UTRN: variants seen among roughly 807,000 people sequenced by gnomAD.
UTRN encodes utrophin, also known as dystrophin-related protein 1.
Under a neutral mutation model 463.9 loss-of-function variants are expected in UTRN, and 283 were observed. The ratio of observed to expected loss-of-function variants is 0.61; its 90% CI spans 0.55 to 0.67. UTRN has a LOEUF of 0.67. Among genes scored for constraint, UTRN ranks in the 30% least tolerant of loss-of-function variants. The pLI is 0.00. For missense variants in UTRN, 3,922 were observed against 4,084.3 expected, an observed-to-expected ratio of 0.96 and a Z score of 1.08; for synonymous variants, 1,442 against 1,431.5, an observed-to-expected ratio of 1.01 and a Z score of -0.17.
intron 65 of UTRN, among the ~76,000 whole-genome samples, chr6:144,808,455 T>C (rs962635025): frequency 3.3e-5 from 5 of 152,160 alleles, no homozygotes; most frequent in Admixed American, 3.3e-4. Context: ...ATCATCTTTG[T>C]TGTAAGTAAC....
chr6:144,489,981 T>G, intron 30 of UTRN, 90 bp from the exon 31 acceptor site: 1 of 1,520,230 alleles, frequency 6.6e-7, no homozygotes, highest in East Asian at 2.3e-5. Flanking sequence ...TATCATGTAT[T>G]ACACAACGAT....
At chr6:144,603,481 G>A (rs1053363329) in intron 51 of UTRN, among the ~76,000 whole-genome samples, 1 of 152,102 alleles carries the variant, frequency 6.6e-6, no homozygotes, top group South Asian at 2.1e-4. Context: ...GTGATTACTT[G>A]TAAGAATTTT....
intron 41 of UTRN, among the ~76,000 whole-genome samples, chr6:144,526,532 CTG>C (rs914395009): frequency 1.3e-5 from 2 of 151,954 alleles, no homozygotes; most frequent in African/African-American, 2.4e-5. Context: ...TTTGGATGGA[CTG>C]TTATTTTGCA....
chr6:144,457,082 A>G (rs1435239569), intron 19 of UTRN, among the ~76,000 whole-genome samples: 1 of 152,240 alleles, frequency 6.6e-6, no homozygotes, highest in East Asian at 1.9e-4. Flanking sequence ...AGAAAATTTT[A>G]AACTCTGGAT....
chr6:144,361,037 C>T (rs1320317738), intron 2 of UTRN, among the ~76,000 whole-genome samples: 1 of 152,162 alleles, frequency 6.6e-6, no homozygotes, highest in South Asian at 2.1e-4. Context: ...ATTTTGAAGA[C>T]CTTTCTGTAT....
At chr6:144,577,603 G>A (rs17073872) in intron 51 of UTRN, among the ~76,000 whole-genome samples, 11,548 of 152,058 alleles carry the variant, frequency 0.076, 1,334 homozygotes, top group African/African-American at 0.25. Flanking sequence ...AATTATAAGG[G>A]CATTTTCCCT....
intron 51 of UTRN, among the ~76,000 whole-genome samples, chr6:144,635,514 C>CTTTTTTTT (rs1402815648): frequency 5.5e-4 from 44 of 79,998 alleles, no homozygotes; most frequent in Admixed American, 5.8e-4. Flanking sequence ...CTTTTTTTTT[C>CTTTTTTTT]TTTTTTTTTT....
intron 2 of UTRN, among the ~76,000 whole-genome samples, chr6:144,394,337 AAG>A (rs1445980118): frequency 6.6e-6 from 1 of 152,210 alleles, no homozygotes; most frequent in Non-Finnish European, 1.5e-5. Flanking sequence ...GGCAGCAGGC[AAG>A]AGAGAATGAG....
At chr6:144,799,740 C>A (rs1208013398) in intron 64 of UTRN, among the ~76,000 whole-genome samples, 1 of 152,124 alleles carries the variant, frequency 6.6e-6, no homozygotes, top group African/African-American at 2.4e-5. Context: ...GGGAGTATTA[C>A]CTCTACTTTA....
intron 45 of UTRN, among the ~76,000 whole-genome samples, chr6:144,540,810 G>A (rs10499231): frequency 0.54 from 82,549 of 152,012 alleles, 24,538 homozygotes; most frequent in East Asian, 0.85. Flanking sequence ...TTCAAAATAC[G>A]TATCTACTGG....
At chr6:144,767,814 T>A (rs1027543561) in intron 58 of UTRN, among the ~76,000 whole-genome samples, 1 of 152,206 alleles carries the variant, frequency 6.6e-6, no homozygotes, top group Non-Finnish European at 1.5e-5. Context: ...CACATTTGTA[T>A]TTTTACTTAT....
At chr6:144,597,628 C>T (rs1258788687) in intron 51 of UTRN, among the ~76,000 whole-genome samples, 1 of 152,112 alleles carries the variant, frequency 6.6e-6, no homozygotes, top group Non-Finnish European at 1.5e-5. Context: ...TTTTGTCTTT[C>T]TTATTCATCA....
chr6:144,602,165 G>A (rs1804316268), intron 51 of UTRN, among the ~76,000 whole-genome samples: 1 of 151,634 alleles, frequency 6.6e-6, no homozygotes, highest in Non-Finnish European at 1.5e-5. Context: ...GTTTCACTCT[G>A]TTGTCAACGA....
chr6:144,749,990 A>T (rs1213606959), intron 55 of UTRN, among the ~76,000 whole-genome samples: 1 of 152,166 alleles, frequency 6.6e-6, no homozygotes, highest in African/African-American at 2.4e-5. Flanking sequence ...TTTAAAAGCT[A>T]ATTACAGTTC....
At chr6:144,829,709 TAAA>T (rs76736169) in intron 69 of UTRN, among the ~76,000 whole-genome samples, 4 of 135,880 alleles carry the variant, frequency 2.9e-5, no homozygotes, top group African/African-American at 5.4e-5. Flanking sequence ...GTGTTTTCAC[TAAA>T]AAAAAAAAAA....
chr6:144,783,356 T>C (rs983147484), intron 61 of UTRN, among the ~76,000 whole-genome samples: 1 of 152,176 alleles, frequency 6.6e-6, no homozygotes, highest in African/African-American at 2.4e-5. Context: ...ATTCAGGAGC[T>C]GATTGGTTCT....
At chr6:144,621,438 T>C (rs552122887) in intron 51 of UTRN, among the ~76,000 whole-genome samples, 1 of 81,484 alleles carries the variant, frequency 1.2e-5, no homozygotes, top group East Asian at 1.7e-3. Context: ...TCAGGGCCCA[T>C]ATCAAATGTA....
At chr6:144,730,137 T>C (rs1044977031) in intron 53 of UTRN, among the ~76,000 whole-genome samples, 1 of 152,252 alleles carries the variant, frequency 6.6e-6, no homozygotes. Context: ...AAGCTGTTTC[T>C]TTTTTTGTAT....
chr6:144,792,600 T>A (rs1255824458), intron 62 of UTRN, among the ~76,000 whole-genome samples: 1 of 152,118 alleles, frequency 6.6e-6, no homozygotes, highest in Admixed American at 6.5e-5. Flanking sequence ...TATCAGGTAC[T>A]GTTTGAAAAT....
Sources: allele counts gnomAD v4.1 joint callset (sites outside exome capture counted in the v4.1 genomes callset), GRCh38; gene constraint gnomAD v4.1.1; transcripts MANE v1.5; gene names NCBI Gene and HGNC (gene_info 2026-07-23, HGNC 2026-07-21).